The following JADE3 variants were observed in gnomAD, a reference collection of about 807,000 sequenced individuals.
The protein encoded by JADE3 is protein Jade-3.
In JADE3, 2 loss-of-function variants were observed where a neutral mutation model predicts 50.1. That is an observed-to-expected ratio of 0.04 (90% CI 0.02 to 0.13). The LOEUF is 0.13. Ranked by LOEUF, JADE3 falls within the 10% of genes least tolerant of loss-of-function variation. The pLI is 1.00. For missense variants in JADE3, 475 were observed against 634.4 expected, an observed-to-expected ratio of 0.75 and a Z score of 2.70; for synonymous variants, 218 against 232.9, an observed-to-expected ratio of 0.94 and a Z score of 0.58.
intron 1 of JADE3, among the ~76,000 whole-genome samples, chrX:46,961,885 G>A (rs1364765750): frequency 8.9e-6 from 1 of 111,998 alleles, no homozygotes; most frequent in African/African-American, 3.2e-5. Context: ...TTTATACTTG[G>A]GTAATTCTAA....
intron 1 of JADE3, among the ~76,000 whole-genome samples, chrX:46,974,022 G>A (rs1202894288): frequency 8.9e-6 from 1 of 111,796 alleles, no homozygotes; most frequent in Non-Finnish European, 1.9e-5. Flanking sequence ...GGAGGTTGCA[G>A]TGAGCCAAGA....
intron 1 of JADE3, among the ~76,000 whole-genome samples, chrX:46,913,885 G>C (rs1926025153): frequency 9.0e-6 from 1 of 110,658 alleles, no homozygotes; most frequent in Admixed American, 9.6e-5. Flanking sequence ...AGATGTGCGC[G>C]AGTTGTTTGT....
chrX:47,053,327 C>T (rs1455394108), intron 8 of JADE3, among the ~76,000 whole-genome samples: 3 of 109,242 alleles, frequency 2.7e-5, no homozygotes, highest in African/African-American at 1.0e-4. Flanking sequence ...GGTGTGATCT[C>T]GGCTCACTGC....
intron 1 of JADE3, among the ~76,000 whole-genome samples, chrX:46,915,849 A>G (rs1314898526): frequency 9.0e-6 from 1 of 111,515 alleles, no homozygotes; most frequent in African/African-American, 3.3e-5. Flanking sequence ...CAGCCGACTG[A>G]ATAAAGGACC....
At chrX:46,962,857 GAGAA>G in intron 1 of JADE3, among the ~76,000 whole-genome samples, 1 of 78,393 alleles carries the variant, frequency 1.3e-5, no homozygotes, top group Non-Finnish European at 2.5e-5. Context: ...TTTTTTTTTG[GAGAA>G]AGAGTCTTGC....
At chrX:47,052,013 G>C (rs782792212) in intron 8 of JADE3, among the ~76,000 whole-genome samples, 10 of 110,025 alleles carry the variant, frequency 9.1e-5, no homozygotes, top group African/African-American at 3.3e-4. Flanking sequence ...AGGATCACTT[G>C]AGCCTGGGAG....
rs782069489 is a variant in JADE3 at position 46,974,485 on chromosome X, T to G, written c.-11-10399T>G. On this transcript the variant is annotated intron_variant, in intron 1 of 10. Coordinates refer to ENST00000614628, the MANE Select transcript of JADE3 (RefSeq NM_014735.5). ...GGATATAAGAAACATGCTGCTCTGG[T>G]CTGACCAGTGGCTTAACTGAAATGT... is the stretch of plus-strand genomic sequence containing the variant. 5.4e-5 allele frequency among the ~76,000 whole-genome samples: 6 copies of G among 111,792 alleles called. No homozygotes were observed. In the South Asian group the frequency reaches 2.3e-3, roughly 42 times the overall value.
At chrX:47,018,231 T>A (rs1029155846) in intron 4 of JADE3, among the ~76,000 whole-genome samples, 11 of 111,126 alleles carry the variant, frequency 9.9e-5, no homozygotes, top group African/African-American at 3.6e-4. Flanking sequence ...TTCCCACACC[T>A]CCTTCTTCCC....
At position 46,992,283 on chromosome X, in the gene JADE3, GC is replaced by G. The variant is rs1272430858; in HGVS notation, c.127-5832del. On this transcript the variant is annotated intron_variant, in intron 3 of 10. Transcript: ENST00000614628. ...CACTCTGGTGCTTTCTCCAGGTACC[GC>G]CCCCTGCCCCGGCCCTGCCCCCACC... Among the ~76,000 whole-genome samples the G allele has an allele frequency of 4.1e-4, 45 of 108,816 alleles. 1 individual carries two copies. The highest frequency in any genetic ancestry group is 1.5e-3 in the African/African-American group (45 of 29,669). The allele number at this position is 108,816 out of a possible 115,157, so 94.5% of individuals were successfully genotyped here.
At chrX:47,020,825 T>G (rs1479846529) in intron 4 of JADE3, among the ~76,000 whole-genome samples, 2 of 111,684 alleles carry the variant, frequency 1.8e-5, no homozygotes, top group South Asian at 7.5e-4. Flanking sequence ...GATGGGGAAA[T>G]AAAACATGGC....
At chrX:46,979,906 G>C (rs1344562971) in intron 1 of JADE3, among the ~76,000 whole-genome samples, 2 of 77,771 alleles carry the variant, frequency 2.6e-5, no homozygotes, top group African/African-American at 1.1e-4. Context: ...TTTTGAGACA[G>C]AGTCTCGCTG....
intron 1 of JADE3, among the ~76,000 whole-genome samples, chrX:46,959,774 G>A (rs186507562): frequency 4.5e-5 from 5 of 110,222 alleles, no homozygotes; most frequent in African/African-American, 1.3e-4. Flanking sequence ...AAAGAATACC[G>A]GATGTTGGGA....
chrX:46,975,236 T>C (rs1927587976), intron 1 of JADE3, among the ~76,000 whole-genome samples: 1 of 112,546 alleles, frequency 8.9e-6, no homozygotes, highest in Non-Finnish European at 1.9e-5. Context: ...ATGGCCACTT[T>C]TATAGTTTCA....
Position 47,005,901 on chromosome X carries a change from A to G in JADE3, c.284+7624A>G, listed in dbSNP as rs782523491. Reference sequence around the variant, plus strand: ...TCTTATACAACCACCTGGTGGTAACAAGGCAATGCCCCCAACCCTGATCTC... The same window carrying G: ...TCTTATACAACCACCTGGTGGTAACGAGGCAATGCCCCCAACCCTGATCTC... On this transcript the variant is annotated intron_variant, in intron 4 of 10. Coordinates refer to ENST00000614628, the MANE Select transcript of JADE3 (RefSeq NM_014735.5). 1.4e-4 allele frequency among the ~76,000 whole-genome samples: 16 copies of G among 111,734 alleles called. No homozygotes were observed. The South Asian group carries it at 6.1e-3, about 42-fold the overall frequency.
chrX:46,999,425 CATATATAACATATATATAT>C (rs1358599170), intron 4 of JADE3, among the ~76,000 whole-genome samples: 30 of 99,226 alleles, frequency 3.0e-4, no homozygotes, highest in African/African-American at 4.1e-4. Flanking sequence ...CATATATATA[CATATATAACATATATATAT>C]ATATATAACA....
Position 47,039,049 on chromosome X carries a change from C to A in JADE3, c.956C>A (p.Thr319Lys). The A allele has an allele frequency of 8.7e-7, 1 of 1,150,219 alleles. No homozygotes were observed. The highest frequency in any genetic ancestry group is 1.2e-6 in the Non-Finnish European group (1 of 842,376). The allele number at this position is 1,150,219 out of a possible 1,213,427, so 94.8% of individuals were successfully genotyped here. Residue 319 changes from threonine to lysine, a missense_variant, in exon 8 of 11, where the codon ACG becomes AAG. Thr to Lys is a moderately conservative substitution (Grantham distance 78). Transcript: ENST00000614628. ...ALVCNLCKLK[T>K]GACIQCSIKS... The stretch of plus-strand genomic sequence containing the variant: ...GTCTGCAACTTGTGCAAGTTGAAGA[C>A]GGGGGCTTGTATTCAGGTAAGTCCC...
intron 1 of JADE3, among the ~76,000 whole-genome samples, chrX:46,936,756 A>C (rs187732467): frequency 8.9e-6 from 1 of 111,937 alleles, no homozygotes; most frequent in East Asian, 2.8e-4. Flanking sequence ...AGTTGTTCAT[A>C]GTGTCCATTT....
chrX:46,933,329 T>C (rs1926535761), intron 1 of JADE3, among the ~76,000 whole-genome samples: 1 of 111,694 alleles, frequency 9.0e-6, no homozygotes, highest in Non-Finnish European at 1.9e-5. Flanking sequence ...CCCAAAGAAC[T>C]AAAAATGGAG....
chrX:46,955,189 T>A (rs1556346097), intron 1 of JADE3, among the ~76,000 whole-genome samples: 1 of 112,492 alleles, frequency 8.9e-6, no homozygotes, highest in African/African-American at 3.2e-5. Flanking sequence ...TTGCTAAGAC[T>A]TTTATTTTTT....
Sources: gnomAD v4.1 joint callset for allele counts (sites outside exome capture counted in the v4.1 genomes callset) on GRCh38, gnomAD v4.1.1 for gene constraint, MANE v1.5 for transcripts, NCBI Gene and HGNC (gene_info 2026-07-23, HGNC 2026-07-21) for gene names.